GLYR1: variants seen among roughly 807,000 people sequenced by gnomAD.
GLYR1 encodes the protein glyoxylate reductase 1 homolog, also known as cytokine-like nuclear factor N-PAC.
GLYR1 carries 21 observed loss-of-function variants against 72.7 expected under a neutral mutation model. That is an observed-to-expected ratio of 0.29 (90% CI 0.20 to 0.42). The LOEUF (loss-of-function observed/expected upper bound fraction) is 0.42. Among genes scored for constraint, GLYR1 ranks in the 10% least tolerant of loss-of-function variants. GLYR1 has a pLI of 1.00. For missense variants in GLYR1, 594 were observed against 712.1 expected (o/e 0.83, Z 1.89); for synonymous variants, 392 against 270.2 (o/e 1.45, Z -4.42).
intron 15 of GLYR1, among the ~76,000 whole-genome samples, chr16:4,805,607 G>A (rs574488378): frequency 8.9e-4 from 135 of 152,328 alleles, no homozygotes; most frequent in Non-Finnish European, 1.7e-3. Context: ...CTGTAAGGCC[G>A]AGGTGGGTGG....
At position 4,846,561 on chromosome 16, in the gene GLYR1, G is replaced by C. The variant is rs1056080628; in HGVS notation, c.39-351C>G. Reference sequence around the variant, plus strand: ...TTCAACAGGAGACCTGCCTGGCTTTGACAAATGCTAATGGAAGCCTTCCTC... The same window carrying C: ...TTCAACAGGAGACCTGCCTGGCTTTCACAAATGCTAATGGAAGCCTTCCTC... On this transcript the variant is annotated intron_variant, in intron 1 of 15. Transcript: ENST00000321919. 4.1e-5 allele frequency: 12 copies of C among 293,952 alleles called. No homozygotes were observed. The East Asian group carries it at 8.4e-4, about 21-fold the overall frequency. The allele number at this position is 293,952 out of a possible 1,614,324, so 18.2% of individuals were successfully genotyped here.
chr16:4,821,842 C>T (rs1225255323), intron 7 of GLYR1, among the ~76,000 whole-genome samples: 5 of 152,206 alleles, frequency 3.3e-5, no homozygotes, highest in Non-Finnish European at 7.3e-5. Flanking sequence ...GCTTGGAACC[C>T]ACATCTATCC....
At chr16:4,835,335 A>C (rs1270937806) in intron 3 of GLYR1, among the ~76,000 whole-genome samples, 3 of 152,216 alleles carry the variant, frequency 2.0e-5, no homozygotes, top group Non-Finnish European at 2.9e-5. Flanking sequence ...TTTCTGCTAG[A>C]AGGAACTGTA....
intron 15 of GLYR1, 94 bp downstream of exon 15, chr16:4,811,076 G>C (rs897994791): frequency 5.4e-6 from 8 of 1,470,316 alleles, no homozygotes; most frequent in African/African-American, 4.3e-5. Flanking sequence ...GTGCACTCTA[G>C]CCTGGGTGAC....
chr16:4,819,810 AACCC>A (rs1337553647), intron 9 of GLYR1, among the ~76,000 whole-genome samples: 2 of 152,182 alleles, frequency 1.3e-5, no homozygotes, highest in Non-Finnish European at 2.9e-5. Flanking sequence ...TTGAAAATGG[AACCC>A]ACCAACTTTC....
chr16:4,826,035 T>C (rs1395569132), intron 5 of GLYR1, among the ~76,000 whole-genome samples: 1 of 152,224 alleles, frequency 6.6e-6, no homozygotes, highest in African/African-American at 2.4e-5. Flanking sequence ...AGTCAGTCAC[T>C]GGTGTGGTAG....
At position 4,832,896 on chromosome 16, in the gene GLYR1, C is replaced by G. The variant is rs778843403; in HGVS notation, c.172G>C (p.Glu58Gln). The stretch of plus-strand genomic sequence containing the variant: ...TGAGCATGATATGGCTTCAGCTGTT[C>G]CACTTTGATCCAGGCACTAGCAGAA... The part of the protein sequence containing the change: ...GTEDHAWIKV[E>Q]QLKPYHAHKE... Residue 58 changes from glutamate (E) to glutamine (Q), a missense_variant, in exon 4 of 16, where the codon GAA (glutamate) becomes CAA (glutamine). Physicochemically the swap from Glu to Gln is conservative, Grantham distance 29. Coordinates refer to ENST00000321919, the MANE Select transcript of GLYR1 (RefSeq NM_032569.4). 2 of 1,611,382 alleles carry G rather than the reference C, an allele frequency of 1.2e-6. No homozygotes were observed. Among genetic ancestry groups the G allele is most frequent in the Admixed American group, 3.4e-5 (2 of 59,616 alleles).
At chr16:4,809,188 G>GT (rs1263215689) in intron 15 of GLYR1, among the ~76,000 whole-genome samples, 6,734 of 95,202 alleles carry the variant, frequency 0.071, 920 homozygotes, top group African/African-American at 0.23. Context: ...AGCAGCTTTC[G>GT]TTTTTTTTTT....
At position 4,823,913 on chromosome 16, in the gene GLYR1, G is replaced by T. The variant is rs2084211986; in HGVS notation, c.538-6C>A. 2.5e-6 allele frequency: 4 copies of T among 1,611,382 alleles called. No homozygotes were observed. Among genetic ancestry groups the T allele is most frequent in the Non-Finnish European group, 3.4e-6 (4 of 1,177,704 alleles). On this transcript the variant is annotated splice_region_variant and splice_polypyrimidine_tract_variant and intron_variant, in intron 5 of 15. Transcript: ENST00000321919. ...GACTCCGGGATGGTGAGATCCTATA[G>T]AGGGAGGGGCAGGGCATTTTAAAAT...
chr16:4,813,067 GCT>G (rs1166877577), intron 12 of GLYR1, among the ~76,000 whole-genome samples: 2 of 150,710 alleles, frequency 1.3e-5, no homozygotes, highest in Non-Finnish European at 3.0e-5. Flanking sequence ...GGTTCATGCC[GCT>G]CTCCTGCCTC....
Position 4,830,084 on chromosome 16 carries a change from G to T in GLYR1, c.537+1895C>A, listed in dbSNP as rs187769980. ...CTCCCAAAGTGCTAGGATTACAGGT[G>T]TGAGCTACCATGCCTGGCCAATTTT... On this transcript the variant is annotated intron_variant, in intron 5 of 15. Coordinates refer to ENST00000321919, the MANE Select transcript of GLYR1 (RefSeq NM_032569.4). 3.5e-3 allele frequency among the ~76,000 whole-genome samples: 534 copies of T among 151,628 alleles called. 2 individuals carry two copies. Among genetic ancestry groups the T allele is most frequent in the Non-Finnish European group, 3.6e-3 (244 of 67,912 alleles).
At chr16:4,823,673 A>C (rs1464871610) in intron 6 of GLYR1, 148 bp downstream of exon 6, 1 of 721,912 alleles carries the variant, frequency 1.4e-6, no homozygotes, top group Non-Finnish European at 2.3e-6. Flanking sequence ...GGAAATTTTT[A>C]ATTTTTTATT....
In GLYR1 at chr16:4,816,594, A is replaced by T. The variant is rs548760950; in HGVS notation, c.906+1004T>A. 3.3e-5 allele frequency among the ~76,000 whole-genome samples: 5 copies of T among 152,296 alleles called. No homozygotes were observed. The South Asian group carries it at 1.0e-3, about 32-fold the overall frequency. Reference sequence around the variant, plus strand: ...TATTTTTTTGTTGTTGGGGAGTATTATCAAAAAAAATCAACTGATCTTCTT... The same window carrying T: ...TATTTTTTTGTTGTTGGGGAGTATTTTCAAAAAAAATCAACTGATCTTCTT... On this transcript the variant is annotated intron_variant, in intron 10 of 15. Coordinates refer to ENST00000321919, the MANE Select transcript of GLYR1 (RefSeq NM_032569.4).
intron 15 of GLYR1, among the ~76,000 whole-genome samples, chr16:4,808,003 A>C (rs1020025658): frequency 6.6e-6 from 1 of 152,202 alleles, no homozygotes; most frequent in Non-Finnish European, 1.5e-5. Context: ...TGGGAGGCCA[A>C]GGCAGGCGGA....
chr16:4,814,505 G>T, intron 11 of GLYR1, 32 bp downstream of exon 11: 1 of 1,523,712 alleles, frequency 6.6e-7, no homozygotes. Context: ...GCTGTGACCC[G>T]GAGTTGCTGA....
intron 15 of GLYR1, among the ~76,000 whole-genome samples, chr16:4,810,300 C>G (rs570549853): frequency 6.6e-6 from 1 of 151,686 alleles, no homozygotes; most frequent in African/African-American, 2.4e-5. Context: ...AGTTGGAGAA[C>G]AGCCTAGCCA....
intron 7 of GLYR1, among the ~76,000 whole-genome samples, chr16:4,822,079 G>A (rs1301596696): frequency 8.3e-6 from 1 of 121,192 alleles, no homozygotes; most frequent in Non-Finnish European, 1.8e-5. Context: ...CAACTACACA[G>A]CTGGCTGAGT....
intron 9 of GLYR1, among the ~76,000 whole-genome samples, chr16:4,820,933 C>A (rs1020686583): frequency 1.3e-5 from 2 of 152,236 alleles, no homozygotes; most frequent in African/African-American, 4.8e-5. Context: ...CCCACCTGCC[C>A]CACCATGGCC....
At chr16:4,830,593 T>A (rs1367931307) in intron 5 of GLYR1, among the ~76,000 whole-genome samples, 2 of 152,224 alleles carry the variant, frequency 1.3e-5, no homozygotes, top group African/African-American at 4.8e-5. Flanking sequence ...TGAGCCTTGA[T>A]CCAAGGTCTA....
Sources: gnomAD v4.1 joint callset for allele counts (sites outside exome capture counted in the v4.1 genomes callset) on GRCh38, gnomAD v4.1.1 for gene constraint, MANE v1.5 for transcripts, NCBI Gene and HGNC (gene_info 2026-07-23, HGNC 2026-07-21) for gene names.